The following KLHL5 variants were observed in gnomAD, a reference collection of about 807,000 sequenced individuals.
The protein encoded by KLHL5 is kelch-like protein 5.
In KLHL5, 48 loss-of-function variants were observed where a neutral mutation model predicts 77.7. That is an observed-to-expected ratio of 0.62 (90% confidence interval 0.49 to 0.79). The LOEUF (loss-of-function observed/expected upper bound fraction) is 0.79, where lower values mean the gene tolerates loss of function less well. KLHL5 is among the 30% of genes least tolerant of loss of function. The pLI, the probability that KLHL5 is intolerant of heterozygous loss-of-function variation, is 0.00. For synonymous variants in KLHL5, 260 were observed against 297.0 expected (o/e 0.88, Z 1.28); for missense variants, 723 against 859.7 (o/e 0.84, Z 1.99).
intron 7 of KLHL5, among the ~76,000 whole-genome samples, chr4:39,103,809 A>G (rs1193096260): frequency 6.8e-6 from 1 of 146,000 alleles, no homozygotes; most frequent in African/African-American, 2.6e-5. Flanking sequence ...AAATTTAAAA[A>G]TTAGCTGGGA....
At chr4:39,057,270 T>G (rs947645069), upstream of KLHL5, among the ~76,000 whole-genome samples, 1 of 152,224 alleles carries the variant, frequency 6.6e-6, no homozygotes, top group Non-Finnish European at 1.5e-5. Context: ...GTGGTCCCTG[T>G]CCTAATTGAT....
At chr4:39,046,594 A>G (rs1245140741) in intron 1 of KLHL5, among the ~76,000 whole-genome samples, 1 of 152,124 alleles carries the variant, frequency 6.6e-6, no homozygotes, top group Non-Finnish European at 1.5e-5. Context: ...AAAAGATAAA[A>G]TAAAATAACA....
upstream of KLHL5, among the ~76,000 whole-genome samples, chr4:39,060,471 T>C (rs1344344129): frequency 9.5e-6 from 1 of 105,064 alleles, no homozygotes; most frequent in Non-Finnish European, 2.0e-5. Flanking sequence ...CCACCTATTT[T>C]CCAGAAGCCT....
At chr4:39,075,009 T>C (rs1328928796) in intron 1 of KLHL5, among the ~76,000 whole-genome samples, 1 of 152,168 alleles carries the variant, frequency 6.6e-6, no homozygotes, top group African/African-American at 2.4e-5. Context: ...TTTCACTTTT[T>C]CACAGTTTTT....
At chr4:39,072,867 C>T (rs1718617581) in intron 1 of KLHL5, among the ~76,000 whole-genome samples, 1 of 152,062 alleles carries the variant, frequency 6.6e-6, no homozygotes, top group Non-Finnish European at 1.5e-5. Flanking sequence ...AACAAGTTCT[C>T]GTGTGCCATT....
At position 39,069,473 on chromosome 4, in the gene KLHL5, T is replaced by TACAC. The variant is rs57779550; in HGVS notation, c.383+6464_384-6463dup. Among the ~76,000 whole-genome samples, 4 of 70,336 alleles carry TACAC rather than the reference T, an allele frequency of 5.7e-5. No individual in the cohort carries two copies. The Admixed American group carries it at 6.0e-4, about 10-fold the overall frequency. The allele number at this position is 70,336 out of a possible 152,430, so 46.1% of individuals were successfully genotyped here. On this transcript the variant is annotated intron_variant, in intron 1 of 10. Coordinates refer to ENST00000504108, the MANE Select transcript of KLHL5 (RefSeq NM_015990.5). ...ATATATATATATATATATATATATATACACACACACACACACACACACACA... is the reference window on the plus strand; with the variant it reads ...ATATATATATATATATATATATATATACACACACACACACACACACACACACACA...
At chr4:39,087,612 C>G (rs984095435) in intron 5 of KLHL5, among the ~76,000 whole-genome samples, 1 of 152,084 alleles carries the variant, frequency 6.6e-6, no homozygotes, top group Non-Finnish European at 1.5e-5. Flanking sequence ...TAAGAGATAT[C>G]TAGTTGGTGT....
chr4:39,114,238 G>A (rs1450654147), intron 9 of KLHL5, among the ~76,000 whole-genome samples: 1 of 152,176 alleles, frequency 6.6e-6, no homozygotes, highest in Admixed American at 6.5e-5. Flanking sequence ...CATCTGGCAG[G>A]TTCTGGTGAG....
At chr4:39,048,638 C>CTTTTTTTTTTTTTTTTTTTTTTT (rs34713116) in intron 1 of KLHL5, among the ~76,000 whole-genome samples, 7 of 79,140 alleles carry the variant, frequency 8.8e-5, no homozygotes, top group African/African-American at 3.8e-4. Context: ...TTTACATTGG[C>CTTTTTTTTTTTTTTTTTTTTTTT]TTTTTTTTTT....
intron 1 of KLHL5, chr4:39,045,203 C>T (rs1413825331): frequency 5.1e-6 from 5 of 977,796 alleles, no homozygotes; most frequent in Non-Finnish European, 4.9e-6. Flanking sequence ...CCGGAGCGCG[C>T]GGGGCGCGAA....
intron 4 of KLHL5, among the ~76,000 whole-genome samples, chr4:39,082,843 A>C (rs1191238433): frequency 6.6e-6 from 1 of 152,156 alleles, no homozygotes; most frequent in East Asian, 1.9e-4. Flanking sequence ...GCATAGTGTT[A>C]GGACCACCCT....
Position 39,110,318 on chromosome 4 carries a change from A to T in KLHL5, c.1688+2587A>T, listed in dbSNP as rs182418200. ...AGGAAAATCTTGATCCACAGATAAG[A>T]GGCTGAAATGGTAACAGTTATTTTA... On this transcript the variant is annotated intron_variant, in intron 8 of 10. Coordinates refer to ENST00000504108, the MANE Select transcript of KLHL5 (RefSeq NM_015990.5). Among the ~76,000 whole-genome samples, 4 of 152,336 alleles carry T rather than the reference A, an allele frequency of 2.6e-5. No individual in the cohort carries two copies. The East Asian group carries it at 7.7e-4, about 29-fold the overall frequency.
chr4:39,080,066 G>A (rs1017213076), intron 2 of KLHL5, among the ~76,000 whole-genome samples: 1 of 152,162 alleles, frequency 6.6e-6, no homozygotes, highest in African/African-American at 2.4e-5. Context: ...TAATGGCTCA[G>A]CAGTGCCACT....
At chr4:39,093,709 C>T (rs567764672) in intron 5 of KLHL5, among the ~76,000 whole-genome samples, 9 of 152,166 alleles carry the variant, frequency 5.9e-5, no homozygotes, top group Middle Eastern at 3.4e-3. Context: ...AGCTCAAGAC[C>T]AGCCTAGCCA....
intron 1 of KLHL5, among the ~76,000 whole-genome samples, chr4:39,072,331 A>G (rs942519972): frequency 6.6e-6 from 1 of 152,150 alleles, no homozygotes; most frequent in Non-Finnish European, 1.5e-5. Context: ...GGATCCCCTA[A>G]AAGACAGCAC....
In KLHL5 at chr4:39,076,039, C is replaced by G; in HGVS notation, c.458C>G (p.Ala153Gly). The G allele has an allele frequency of 6.2e-7, 1 of 1,611,806 alleles. No individual in the cohort carries two copies. The highest frequency in any genetic ancestry group is 1.1e-5 in the South Asian group (1 of 90,548). Reference sequence around the variant, plus strand: ...TGTACATCAGATGAATTTTTCCAAGCCCTTAATCATGCCGAGCAAACATTT... The same window carrying G: ...TGTACATCAGATGAATTTTTCCAAGGCCTTAATCATGCCGAGCAAACATTT... Reference protein sequence around the residue: ...EPCTSDEFFQALNHAEQTFKK... With the variant: ...EPCTSDEFFQGLNHAEQTFKK... Residue 153 changes from alanine (A) to glycine (G), a missense_variant, in exon 2 of 11, where the codon GCC becomes GGC. Ala to Gly is a moderately conservative substitution (Grantham distance 60). This residue lies in a region of KLHL5 where 221 missense variants were observed against 222.1 expected (regional missense o/e 1.00). Transcript: ENST00000504108.
At chr4:39,128,463 T>C (rs1045627916), downstream of KLHL5, among the ~76,000 whole-genome samples, 2 of 152,248 alleles carry the variant, frequency 1.3e-5, no homozygotes, top group African/African-American at 4.8e-5. Context: ...CTGGCTGCAG[T>C]GTGGAACATG....
intron 1 of KLHL5, among the ~76,000 whole-genome samples, chr4:39,069,671 G>A (rs932170861): frequency 2.0e-5 from 3 of 151,568 alleles, no homozygotes; most frequent in Non-Finnish European, 2.9e-5. Flanking sequence ...TTGGGGAAGT[G>A]TCCTTCTGGT....
In KLHL5 at chr4:39,096,836, G is replaced by A. The variant is rs1294826495; in HGVS notation, c.1258G>A (p.Val420Ile). 6 of 1,613,804 alleles carry A rather than the reference G, an allele frequency of 3.7e-6. No individual in the cohort carries two copies. Among genetic ancestry groups the A allele is most frequent in the Non-Finnish European group, 5.1e-6 (6 of 1,179,872 alleles). Reference protein sequence around the residue: ...SPRTKPRKSTVGTLFAVGGMD... With the variant: ...SPRTKPRKSTIGTLFAVGGMD... ...TCGGACAAAACCTAGGAAGTCAACT[G>A]TTGGTACATTATTTGCAGTTGGGGG... Residue 420 changes from valine to isoleucine, a missense_variant, in exon 6 of 11, where the codon GTT (valine) becomes ATT (isoleucine). Physicochemically the swap from Val to Ile is conservative, Grantham distance 29. Around this residue, in one of 3 missense-constraint regions of KLHL5, gnomAD observed 288 missense variants for 400.3 expected, o/e 0.72. Transcript: ENST00000504108.
Sources: gnomAD v4.1 joint callset for allele counts (sites outside exome capture counted in the v4.1 genomes callset) on GRCh38, gnomAD v4.1.1 for gene constraint, gnomAD v4.1.1 regional missense constraint, MANE v1.5 for transcripts, NCBI Gene and HGNC (gene_info 2026-07-23, HGNC 2026-07-21) for gene names.